DIPK2B: variants seen among roughly 807,000 people sequenced by gnomAD.
DIPK2B encodes the protein UPF0672 protein CXorf36.
In DIPK2B, 15 loss-of-function variants were observed where a neutral mutation model predicts 22.2. The observed-to-expected ratio is 0.68, with a 90% confidence interval of 0.45 to 1.04. DIPK2B has a LOEUF of 1.04. DIPK2B is among the 50% of genes least tolerant of loss of function. The pLI is 0.00. For synonymous variants in DIPK2B, 163 were observed against 153.2 expected, an observed-to-expected ratio of 1.06 and a Z score of -0.47; for missense variants, 345 against 348.3, an observed-to-expected ratio of 0.99 and a Z score of 0.08.
At chrX:45,197,637 C>T (rs1266071819) in intron 1 of DIPK2B, among the ~76,000 whole-genome samples, 1 of 111,788 alleles carries the variant, frequency 8.9e-6, no homozygotes, top group Admixed American at 9.5e-5. Context: ...AACCTGTAGA[C>T]AGTTTAGCAA....
At chrX:45,188,398 C>T (rs1222833674) in intron 2 of DIPK2B, among the ~76,000 whole-genome samples, 2 of 111,733 alleles carry the variant, frequency 1.8e-5, no homozygotes, top group Non-Finnish European at 3.8e-5. Flanking sequence ...GTGAAAGCAT[C>T]GCAATATTGG....
chrX:45,190,976 A>T (rs2047207922), intron 2 of DIPK2B, among the ~76,000 whole-genome samples: 1 of 112,728 alleles, frequency 8.9e-6, no homozygotes, highest in Non-Finnish European at 1.9e-5. Context: ...TATCTTGCAC[A>T]CCAGAAAATT....
intron 2 of DIPK2B, among the ~76,000 whole-genome samples, chrX:45,184,298 G>T (rs1328610004): frequency 7.2e-5 from 8 of 111,693 alleles, no homozygotes; most frequent in African/African-American, 2.6e-4. Context: ...CCAAGTATCT[G>T]TTCTGTCCAA....
intron 2 of DIPK2B, among the ~76,000 whole-genome samples, chrX:45,189,273 G>A (rs1420030294): frequency 1.8e-5 from 2 of 111,954 alleles, no homozygotes; most frequent in African/African-American, 6.5e-5. Context: ...CACCTTTGGT[G>A]AAGACAGATC....
intron 2 of DIPK2B, among the ~76,000 whole-genome samples, chrX:45,159,305 C>T (rs756451533): frequency 1.8e-5 from 2 of 111,770 alleles, no homozygotes; most frequent in Admixed American, 1.9e-4. Flanking sequence ...GCTCTAAGCC[C>T]TTCATAGGTA....
rs757066033 is a variant in DIPK2B, at chrX:45,153,965, G to A, written c.906C>T (p.Asn302=). 74 of 1,208,380 alleles carry A rather than the reference G, an allele frequency of 6.1e-5. No individual in the cohort carries two copies. Among genetic ancestry groups the A allele is most frequent in the African/African-American group, 8.8e-5 (5 of 56,807 alleles). ...IDAGMFGVFN[N]GHLFIRDASA... ...TGGCATCCCGGATGAACAGATGCCC[G>A]TTGTTAAAGACGCCGAACATGCCTG... Residue 302 remains asparagine (N), a synonymous_variant, in exon 4 of 5, where the codon AAC becomes AAT. Transcript: ENST00000398000.
chrX:45,156,625 G>A (rs1183517758), intron 3 of DIPK2B, among the ~76,000 whole-genome samples: 11 of 111,403 alleles, frequency 9.9e-5, no homozygotes, highest in Non-Finnish European at 1.7e-4. Flanking sequence ...GCTGACGTTG[G>A]CTAAAAGTGA....
rs886421037 is a variant in DIPK2B at position 45,151,512 on chromosome X, C to T, written c.*140G>A. On this transcript the variant is annotated 3_prime_UTR_variant, in exon 5 of 5. Transcript: ENST00000398000. ...GACAGCCACGTGGTATCTCACAACT[C>T]CCCTCTCAGTCCCTAAGAAATGAGT... is the stretch of plus-strand genomic sequence containing the variant. The T allele has an allele frequency of 1.6e-6, 1 of 627,367 alleles. No homozygotes were observed. The highest frequency in any genetic ancestry group is 2.4e-6 in the Non-Finnish European group (1 of 415,936). 51.7% of individuals were successfully genotyped at this position (627,367 alleles called of 1,213,427 possible).
chrX:45,198,111 T>A (rs747521701), intron 1 of DIPK2B, among the ~76,000 whole-genome samples: 1 of 111,828 alleles, frequency 8.9e-6, no homozygotes, highest in Non-Finnish European at 1.9e-5. Context: ...TGTTAAATAG[T>A]AGTTTCCAAA....
intron 2 of DIPK2B, among the ~76,000 whole-genome samples, chrX:45,160,267 G>C (rs2047015963): frequency 9.1e-6 from 1 of 109,527 alleles, no homozygotes; most frequent in South Asian, 4.0e-4. Context: ...GAATGTAATG[G>C]TGCAATATCA....
rs190648656 is a variant in DIPK2B at position 45,151,509 on chromosome X, A to G, written c.*143T>C. On this transcript the variant is annotated 3_prime_UTR_variant, in exon 5 of 5. Transcript: ENST00000398000. ...AGAGACAGCCACGTGGTATCTCACA[A>G]CTCCCCTCTCAGTCCCTAAGAAATG... 3.3e-6 allele frequency: 2 copies of G among 613,800 alleles called. No homozygotes were observed. Among genetic ancestry groups the G allele is most frequent in the African/African-American group, 2.3e-5 (1 of 43,169 alleles). 50.6% of individuals were successfully genotyped at this position (613,800 alleles called of 1,213,427 possible).
In DIPK2B at chrX:45,191,838, C is replaced by A. The variant is rs2047212861; in HGVS notation, c.411G>T (p.Lys137Asn). The A allele has an allele frequency of 8.2e-7, 1 of 1,212,135 alleles. No homozygotes were observed. Among genetic ancestry groups the A allele is most frequent in the East Asian group, 3.0e-5 (1 of 33,862 alleles). ...RRICASASAP[K>N]TCSIERVLRK... ...GCAGGACACGCTCAATGCTGCAGGT[C>A]TTTGGGGCTGATGCAGAGGCACAGA... Residue 137 changes from lysine (K) to asparagine (N), a missense_variant, in exon 2 of 5, where the codon AAG (lysine) becomes AAT (asparagine). By Grantham distance (94) the Lys-to-Asn change is moderately conservative (BLOSUM62 0). Coordinates refer to ENST00000398000, the MANE Select transcript of DIPK2B (RefSeq NM_176819.4).
At chrX:45,152,138 A>G (rs1350808848) in intron 4 of DIPK2B, 146 bp from the exon 5 acceptor site, 2 of 525,489 alleles carry the variant, frequency 3.8e-6, no homozygotes, top group Non-Finnish European at 6.2e-6. Flanking sequence ...CGGGCAGATC[A>G]CTTGAGGTCA....
chrX:45,194,238 C>A (rs1453116130), intron 1 of DIPK2B, among the ~76,000 whole-genome samples: 4 of 73,390 alleles, frequency 5.5e-5, no homozygotes, highest in Non-Finnish European at 1.1e-4. Flanking sequence ...CCATACCCAA[C>A]CCCAAGGAAC....
At chrX:45,164,331 G>A in intron 2 of DIPK2B, 1 of 1,028,981 alleles carries the variant, frequency 9.7e-7, no homozygotes, top group Non-Finnish European at 1.3e-6. Context: ...AGCTCTGGCT[G>A]TTAAATGCAA....
At chrX:45,182,536 C>G (rs943222905) in intron 2 of DIPK2B, among the ~76,000 whole-genome samples, 3 of 112,745 alleles carry the variant, frequency 2.7e-5, no homozygotes, top group African/African-American at 9.6e-5. Flanking sequence ...CTCAACAATT[C>G]CACTTTTGTG....
intron 2 of DIPK2B, among the ~76,000 whole-genome samples, chrX:45,173,611 AG>A (rs1291813433): frequency 1.2e-5 from 1 of 85,014 alleles, no homozygotes. Flanking sequence ...TTTTTGGTGG[AG>A]GGGAGACAGG....
intron 1 of DIPK2B, among the ~76,000 whole-genome samples, chrX:45,197,579 A>G (rs776289562): frequency 8.9e-6 from 1 of 112,084 alleles, no homozygotes; most frequent in East Asian, 2.8e-4. Context: ...GAGATCCAAA[A>G]GAAGACAACG....
Position 45,200,868 on chromosome X carries a change from C to A in DIPK2B, c.-42G>T, listed in dbSNP as rs1192575906. 4.7e-6 allele frequency: 5 copies of A among 1,065,722 alleles called. No homozygotes were observed. Among genetic ancestry groups the A allele is most frequent in the Non-Finnish European group, 5.0e-6 (4 of 793,918 alleles). 87.8% of individuals were successfully genotyped at this position (1,065,722 alleles called of 1,213,427 possible). A position where few individuals can be genotyped will look rare whatever the true frequency, so the allele number is the denominator to read the frequency against. ...CAGCTGCAGCCTCTGGCTGTCCACT[C>A]GAGGCTGTACAGAGGCAGGGCTTGG... On this transcript the variant is annotated 5_prime_UTR_variant, in exon 1 of 5. Transcript: ENST00000398000.
Sources: gnomAD v4.1 joint callset for allele counts (sites outside exome capture counted in the v4.1 genomes callset) on GRCh38, gnomAD v4.1.1 for gene constraint, MANE v1.5 for transcripts, NCBI Gene and HGNC (gene_info 2026-07-23, HGNC 2026-07-21) for gene names.